QTMAN: variants seen among roughly 807,000 people sequenced by gnomAD.
The protein encoded by QTMAN is queuosine-tRNA mannosyltransferase, also known as tRNA-queuosine alpha-mannosyltransferase.
chr2:144,000,947 C>T, the QTMAN span, among the ~76,000 whole-genome samples: 19,004 of 151,930 alleles, frequency 0.13, 2,040 homozygotes, highest in African/African-American at 0.27. Flanking sequence ...TCCAAAAGTA[C>T]TATTCACCCC....
chr2:144,113,538 A>T, the QTMAN span, among the ~76,000 whole-genome samples: 1 of 152,252 alleles, frequency 6.6e-6, no homozygotes, highest in South Asian at 2.1e-4. Flanking sequence ...ATGAAAAAAT[A>T]TTCAAAGAAA....
chr2:143,971,552 TAAACA>T, the QTMAN span, among the ~76,000 whole-genome samples: 4 of 152,182 alleles, frequency 2.6e-5, no homozygotes, highest in Admixed American at 2.6e-4. Context: ...ACTCTACAAT[TAAACA>T]AATCACATCA....
the QTMAN span, chr2:144,295,379 G>C: frequency 4.6e-5 from 7 of 152,204 alleles, no homozygotes; most frequent in African/African-American, 1.4e-4. Context: ...TATCCCCAGT[G>C]CCTGTCACAA....
the QTMAN span, among the ~76,000 whole-genome samples, chr2:144,306,711 G>A: frequency 5.3e-5 from 8 of 151,806 alleles, no homozygotes; most frequent in Admixed American, 2.0e-4. Context: ...AATCAACAAC[G>A]CAATTAAGCA....
chr2:144,116,390 C>T, the QTMAN span, among the ~76,000 whole-genome samples: 1 of 151,838 alleles, frequency 6.6e-6, no homozygotes, highest in Non-Finnish European at 1.5e-5. Flanking sequence ...TTTAATCATC[C>T]TAATTCCACC....
At chr2:144,055,332 CAG>C in the QTMAN span, among the ~76,000 whole-genome samples, 13 of 142,186 alleles carry the variant, frequency 9.1e-5, no homozygotes, top group Non-Finnish European at 1.8e-4. Flanking sequence ...CACAGACACA[CAG>C]ACACACACAC....
At chr2:144,162,081 T>C in the QTMAN span, among the ~76,000 whole-genome samples, 3 of 152,186 alleles carry the variant, frequency 2.0e-5, no homozygotes, top group African/African-American at 4.8e-5. Context: ...AGGATCTGAA[T>C]AGACCTAACA....
At chr2:144,133,348 ATATG>A in the QTMAN span, among the ~76,000 whole-genome samples, 1 of 43,036 alleles carries the variant, frequency 2.3e-5, no homozygotes, top group African/African-American at 7.9e-5. Context: ...TATATATTAT[ATATG>A]TATATATATA....
At chr2:144,099,160 C>T in the QTMAN span, among the ~76,000 whole-genome samples, 11 of 152,188 alleles carry the variant, frequency 7.2e-5, no homozygotes, top group Non-Finnish European at 1.6e-4. Context: ...TTCCCCTATA[C>T]ATCTGTCTGG....
chr2:144,234,026 T>TAA, the QTMAN span, among the ~76,000 whole-genome samples: 2 of 152,136 alleles, frequency 1.3e-5, no homozygotes, highest in Non-Finnish European at 2.9e-5. Context: ...AGAAGTATTA[T>TAA]AATTTTTAGG....
the QTMAN span, among the ~76,000 whole-genome samples, chr2:144,077,881 A>T: frequency 2.0e-5 from 3 of 152,202 alleles, no homozygotes; most frequent in Non-Finnish European, 4.4e-5. Context: ...GTTTTCTTTG[A>T]TCGTCTGCAA....
At chr2:144,329,520 ACAGT>A in the QTMAN span, among the ~76,000 whole-genome samples, 3 of 152,220 alleles carry the variant, frequency 2.0e-5, no homozygotes, top group Non-Finnish European at 4.4e-5. Context: ...GCCTATGGTA[ACAGT>A]CAGAGGGTCA....
chr2:144,307,635 A>T, the QTMAN span, among the ~76,000 whole-genome samples: 1 of 152,360 alleles, frequency 6.6e-6, no homozygotes, highest in South Asian at 2.1e-4. Context: ...AGCATTAATG[A>T]TTACATTATC....
At chr2:144,204,986 C>T in the QTMAN span, among the ~76,000 whole-genome samples, 3 of 113,964 alleles carry the variant, frequency 2.6e-5, no homozygotes, top group East Asian at 7.6e-4. Flanking sequence ...CACACCGGGG[C>T]CTGTTGTGGG....
chr2:144,262,975 A>G, the QTMAN span, among the ~76,000 whole-genome samples: 4 of 41,398 alleles, frequency 9.7e-5, no homozygotes, highest in Non-Finnish European at 1.3e-4. Context: ...AGGGGAAGGG[A>G]GGAGAGGGGA....
At chr2:144,061,519 G>A in the QTMAN span, among the ~76,000 whole-genome samples, 11 of 152,192 alleles carry the variant, frequency 7.2e-5, no homozygotes, top group Non-Finnish European at 1.0e-4. Flanking sequence ...AATGGCTGAT[G>A]AAGATAATAA....
the QTMAN span, among the ~76,000 whole-genome samples, chr2:144,159,557 T>TA: frequency 2.0e-5 from 3 of 152,090 alleles, no homozygotes; most frequent in Admixed American, 1.3e-4. Context: ...TGCCGTTACT[T>TA]AGGTATTATA....
At chr2:144,192,821 TTTA>T in the QTMAN span, among the ~76,000 whole-genome samples, 1 of 152,196 alleles carries the variant, frequency 6.6e-6, no homozygotes, top group African/African-American at 2.4e-5. Context: ...ACAAGAAACG[TTTA>T]TTATGTTTAC....
the QTMAN span, chr2:144,011,587 CTATT>C: frequency 6.2e-6 from 6 of 969,084 alleles, no homozygotes; most frequent in Non-Finnish European, 7.3e-6. Context: ...TAATCAGACA[CTATT>C]TATAATGTAC....
Sources: gnomAD v4.1 joint callset for allele counts (sites outside exome capture counted in the v4.1 genomes callset) on GRCh38, gnomAD v4.1.1 for gene constraint, MANE v1.5 for transcripts, NCBI Gene and HGNC (gene_info 2026-07-23, HGNC 2026-07-21) for gene names.